OBP2B: variants seen among roughly 807,000 people sequenced by gnomAD.
The protein encoded by OBP2B is odorant binding protein 2B.
Under a neutral mutation model 21.7 loss-of-function variants are expected in OBP2B, and 10 were observed. The observed-to-expected ratio is 0.46, with a 90% confidence interval of 0.28 to 0.78. OBP2B has a LOEUF of 0.78. Among genes scored for constraint, OBP2B ranks in the 30% least tolerant of loss-of-function variants. OBP2B has a pLI of 0.11. For synonymous variants in OBP2B, 73 were observed against 91.5 expected, an observed-to-expected ratio of 0.80 and a Z score of 1.16; for missense variants, 153 against 217.7, an observed-to-expected ratio of 0.70 and a Z score of 1.87.
rs1162765866 is a variant in OBP2B at position 133,208,538 on chromosome 9, G to A, written c.137C>T (p.Pro46Leu). 1.2e-6 allele frequency: 2 copies of A among 1,613,564 alleles called. No individual in the cohort carries two copies. The highest frequency in any genetic ancestry group is 1.7e-6 in the Non-Finnish European group (2 of 1,179,694). The change falls in exon 2 of 7, where the codon CCC becomes CTC. Residue 46 changes from proline to leucine, a missense_variant. By Grantham distance (98) the Pro-to-Leu change is moderately conservative. This residue lies in a region of OBP2B where 151 missense variants were observed against 186.3 expected (regional missense o/e 0.81). Transcript: ENST00000372034. ...VDKDFPEDRRPRKVSPVKVTA... is the reference protein window; with the variant it reads ...VDKDFPEDRRLRKVSPVKVTA... The stretch of plus-strand genomic sequence containing the variant: ...CACCTTCACTGGGGACACCTTCCTG[G>A]GCCTCCTGTCCTCCGGAAAGTCCTT...
At chr9:133,207,726 C>G (rs1191059676) in intron 3 of OBP2B, 2 of 665,322 alleles carry the variant, frequency 3.0e-6, no homozygotes, top group African/African-American at 1.8e-5. Flanking sequence ...CTCAGCTTCC[C>G]GATCCCTAAC....
Position 133,208,529 on chromosome 9 carries a change from A to C in OBP2B, c.146T>G (p.Val49Gly). 6.2e-7 allele frequency: 1 copy of C among 1,613,698 alleles called. No homozygotes were observed. The highest frequency in any genetic ancestry group is 8.5e-7 in the Non-Finnish European group (1 of 1,179,744). The change falls in exon 2 of 7, where the codon GTG becomes GGG. Residue 49 changes from valine to glycine, a missense_variant. Physicochemically the swap from Val to Gly is moderately radical, Grantham distance 109. Around this residue, in one of 2 missense-constraint regions of OBP2B, gnomAD observed 151 missense variants for 186.3 expected, o/e 0.81. Transcript: ENST00000372034. Reference sequence around the variant, plus strand: ...CAGGGCTGTCACCTTCACTGGGGACACCTTCCTGGGCCTCCTGTCCTCCGG... The same window carrying C: ...CAGGGCTGTCACCTTCACTGGGGACCCCTTCCTGGGCCTCCTGTCCTCCGG... ...DFPEDRRPRK[V>G]SPVKVTALGG... is the part of the protein sequence containing the mutation.
the OBP2B span, among the ~76,000 whole-genome samples, chr9:133,218,894 T>C: frequency 6.6e-6 from 1 of 152,108 alleles, no homozygotes; most frequent in African/African-American, 2.4e-5. Context: ...AGACCATAGC[T>C]AAATACCAGT....
the OBP2B span, among the ~76,000 whole-genome samples, chr9:133,222,962 C>A: frequency 6.6e-6 from 1 of 152,142 alleles, no homozygotes; most frequent in African/African-American, 2.4e-5. Context: ...ACCCCTTCTC[C>A]CCTGCACAAA....
chr9:133,220,398 C>T, the OBP2B span, among the ~76,000 whole-genome samples: 16 of 152,354 alleles, frequency 1.1e-4, no homozygotes, highest in African/African-American at 3.6e-4. Context: ...CATCACTCCC[C>T]GGAGACACCC....
upstream of OBP2B, among the ~76,000 whole-genome samples, chr9:133,212,104 A>G (rs1187069067): frequency 2.6e-5 from 4 of 152,254 alleles, no homozygotes; most frequent in African/African-American, 9.6e-5. Context: ...AGAGAGGGAA[A>G]TTATACAATA....
upstream of OBP2B, chr9:133,209,358 G>A (rs1564287505): frequency 1.7e-5 from 13 of 753,382 alleles, no homozygotes; most frequent in East Asian, 2.7e-5. This position sits in a 1 kb window ranked among gnomAD's most constrained non-coding sequence, Gnocchi z 6.0. Context: ...TCCTGCATCC[G>A]GGAGGGGGAG....
chr9:133,205,542 C>T (rs1833676797), intron 6 of OBP2B, 131 bp from the exon 7 acceptor site: 2 of 648,800 alleles, frequency 3.1e-6, no homozygotes, highest in Middle Eastern at 8.5e-4. Flanking sequence ...TCCAGAGCGA[C>T]CTCAGCTCCT....
the OBP2B span, among the ~76,000 whole-genome samples, chr9:133,216,836 G>A: frequency 5.6e-3 from 856 of 152,254 alleles, 8 homozygotes; most frequent in African/African-American, 0.02. Context: ...GAACAGGTCT[G>A]TCATTGCTGG....
At chr9:133,217,893 C>T in the OBP2B span, among the ~76,000 whole-genome samples, 1 of 152,254 alleles carries the variant, frequency 6.6e-6, no homozygotes, top group Admixed American at 6.5e-5. Context: ...AATCCTGAGC[C>T]ATTCTTTGTG....
chr9:133,205,479 C>T (rs1202887917), intron 6 of OBP2B, 68 bp from the exon 7 acceptor site: 3 of 995,714 alleles, frequency 3.0e-6, no homozygotes, highest in Admixed American at 2.8e-5. Flanking sequence ...GCCAGAGCTC[C>T]CTCCCCAGGC....
At chr9:133,222,675 A>G in the OBP2B span, among the ~76,000 whole-genome samples, 29 of 152,220 alleles carry the variant, frequency 1.9e-4, no homozygotes, top group African/African-American at 5.5e-4. Context: ...AGGTTGCAGT[A>G]AGCCGAGATC....
upstream of OBP2B, among the ~76,000 whole-genome samples, chr9:133,213,569 GA>G (rs1833942169): frequency 6.6e-6 from 1 of 152,014 alleles, no homozygotes; most frequent in African/African-American, 2.4e-5. Flanking sequence ...AACAAAAAAA[GA>G]AAGAAAGACA....
At chr9:133,209,397 G>C (rs1833862611), upstream of OBP2B, 1 of 791,582 alleles carries the variant, frequency 1.3e-6, no homozygotes, top group Non-Finnish European at 2.1e-6. The surrounding 1 kb of genome is among the most constrained non-coding windows in gnomAD (Gnocchi z 6.0). Flanking sequence ...CTGGTGAACA[G>C]CAAGTCAGTG....
chr9:133,222,650 C>T, the OBP2B span, among the ~76,000 whole-genome samples: 5 of 152,196 alleles, frequency 3.3e-5, no homozygotes, highest in East Asian at 9.7e-4. Context: ...ATTGCTTGAA[C>T]CCGGGAAGCA....
Position 133,208,144 on chromosome 9 carries a change from T to C in OBP2B, c.266A>G (p.Lys89Arg). 1 of 1,611,006 alleles carries C rather than the reference T, an allele frequency of 6.2e-7. No homozygotes were observed. Reference sequence around the variant, plus strand: ...GGGGAGGGGCTCACAGGCGCTGTATTTGCCAGGCTCCTCCGTCTTCCGCAT... The same window carrying C: ...GGGGAGGGGCTCACAGGCGCTGTATCTGCCAGGCTCCTCCGTCTTCCGCAT... ...ILMRKTEEPGKYSAYGGRKLM... is the reference protein window; with the variant it reads ...ILMRKTEEPGRYSAYGGRKLM... The change falls in exon 3 of 7, where the codon AAA becomes AGA. Residue 89 changes from lysine to arginine, a missense_variant. By Grantham distance (26) the Lys-to-Arg change is conservative (BLOSUM62 2). Transcript: ENST00000372034.
At chr9:133,222,779 G>A in the OBP2B span, among the ~76,000 whole-genome samples, 2 of 152,012 alleles carry the variant, frequency 1.3e-5, no homozygotes, top group Non-Finnish European at 2.9e-5. Context: ...CCTTAGAAAT[G>A]TGACCTTCAG....
chr9:133,205,855 C>T, intron 6 of OBP2B, 62 bp downstream of exon 6: 1 of 1,613,130 alleles, frequency 6.2e-7, no homozygotes, highest in Admixed American at 1.7e-5. Flanking sequence ...GCAGATGTAC[C>T]CTCGAACCCC....
At chr9:133,207,820 A>C (rs1485743086) in intron 3 of OBP2B, 6 of 1,439,090 alleles carry the variant, frequency 4.2e-6, no homozygotes, top group Non-Finnish European at 4.6e-6. Context: ...CCCCATCCCT[A>C]ACCCTCAGCC....
Sources: allele counts gnomAD v4.1 joint callset (sites outside exome capture counted in the v4.1 genomes callset), GRCh38; gene constraint gnomAD v4.1.1; regional missense constraint gnomAD v4.1.1; non-coding constraint Gnocchi (gnomAD v3.1); transcripts MANE v1.5; gene names NCBI Gene and HGNC (gene_info 2026-07-23, HGNC 2026-07-21).